Variants in ZNF804A observed in about 807,000 individuals in gnomAD.
ZNF804A encodes zinc finger protein 804A.
In ZNF804A, 2 loss-of-function variants were observed where a neutral mutation model predicts 16.5. The ratio of observed to expected loss-of-function variants is 0.12; its 90% CI spans 0.05 to 0.38. ZNF804A has a LOEUF of 0.38. ZNF804A is among the 10% of genes least tolerant of loss of function. The probability of loss-of-function intolerance (pLI) is 0.99; values close to 1 mark genes in which losing one functional copy is unlikely to be tolerated. For synonymous variants in ZNF804A, 534 were observed against 489.6 expected (o/e 1.09, Z -1.20); for missense variants, 1,473 against 1,390.7 (o/e 1.06, Z -0.94).
At chr2:184,816,425 C>T (rs758167358) in intron 1 of ZNF804A, among the ~76,000 whole-genome samples, 2 of 151,988 alleles carry the variant, frequency 1.3e-5, no homozygotes, top group African/African-American at 2.4e-5. Context: ...TAGAGAATTT[C>T]AAGATTTAAA....
At chr2:184,917,861 A>G (rs1243223800) in intron 2 of ZNF804A, among the ~76,000 whole-genome samples, 1 of 152,010 alleles carries the variant, frequency 6.6e-6, no homozygotes, top group Non-Finnish European at 1.5e-5. Context: ...TCTCATGTCA[A>G]TTGAAGTCCT....
chr2:184,804,441 C>A (rs997443155), intron 1 of ZNF804A, among the ~76,000 whole-genome samples: 3 of 152,208 alleles, frequency 2.0e-5, no homozygotes, highest in Non-Finnish European at 4.4e-5. Flanking sequence ...CTGGTCTCTG[C>A]ATAAGCAGCA....
chr2:184,825,691 A>G (rs914596834), intron 1 of ZNF804A, among the ~76,000 whole-genome samples: 4 of 152,090 alleles, frequency 2.6e-5, no homozygotes, highest in Admixed American at 6.6e-5. Flanking sequence ...GGAATGTTCA[A>G]ACATACAAAG....
intron 1 of ZNF804A, among the ~76,000 whole-genome samples, chr2:184,747,740 T>C (rs1360792331): frequency 6.6e-6 from 1 of 151,224 alleles, no homozygotes; most frequent in Non-Finnish European, 1.5e-5. Context: ...GATGGTTACA[T>C]GAGTATATTG....
intron 1 of ZNF804A, among the ~76,000 whole-genome samples, chr2:184,697,667 CCTT>C (rs1344206390): frequency 6.6e-6 from 1 of 151,918 alleles, no homozygotes; most frequent in Non-Finnish European, 1.5e-5. Flanking sequence ...GTTTAGTTGT[CCTT>C]CTAACATTAA....
intron 1 of ZNF804A, among the ~76,000 whole-genome samples, chr2:184,746,222 T>C (rs992975581): frequency 4.6e-5 from 7 of 151,684 alleles, no homozygotes; most frequent in African/African-American, 1.7e-4. Flanking sequence ...TACTTTGAAA[T>C]ACACAATAAG....
intron 1 of ZNF804A, among the ~76,000 whole-genome samples, chr2:184,836,694 TA>T (rs1250266335): frequency 7.4e-5 from 11 of 148,430 alleles, no homozygotes; most frequent in East Asian, 5.9e-4. Flanking sequence ...TATATATATA[TA>T]TATTTTTTTT....
chr2:184,692,653 C>T (rs1468050753), intron 1 of ZNF804A, among the ~76,000 whole-genome samples: 1 of 152,096 alleles, frequency 6.6e-6, no homozygotes, highest in Non-Finnish European at 1.5e-5. Flanking sequence ...AATGCTGACA[C>T]CAGAAATCTG....
chr2:184,844,413 T>A (rs1454538527), intron 1 of ZNF804A, among the ~76,000 whole-genome samples: 4 of 152,122 alleles, frequency 2.6e-5, no homozygotes, highest in Non-Finnish European at 4.4e-5. Context: ...TTGTTGGTGA[T>A]GAATTTGGCA....
At chr2:184,782,584 C>T (rs1261454058) in intron 1 of ZNF804A, among the ~76,000 whole-genome samples, 1 of 151,012 alleles carries the variant, frequency 6.6e-6, no homozygotes, top group East Asian at 2.0e-4. Flanking sequence ...AACTGGTTTC[C>T]CTTGCTCTTC....
chr2:184,673,394 G>T (rs559818007), intron 1 of ZNF804A, among the ~76,000 whole-genome samples: 1 of 152,232 alleles, frequency 6.6e-6, no homozygotes, highest in East Asian at 1.9e-4. Flanking sequence ...TGCAATTCAA[G>T]TTACACATTT....
intron 1 of ZNF804A, among the ~76,000 whole-genome samples, chr2:184,660,590 T>C (rs1692157104): frequency 1.3e-5 from 2 of 152,236 alleles, no homozygotes; most frequent in African/African-American, 4.8e-5. Flanking sequence ...ATTAAAAAAA[T>C]CATTTATTAA....
chr2:184,636,861 A>G (rs1329150675), intron 1 of ZNF804A, among the ~76,000 whole-genome samples: 1 of 152,102 alleles, frequency 6.6e-6, no homozygotes, highest in East Asian at 1.9e-4. Flanking sequence ...ATATTATCTT[A>G]GTCTTTTTAC....
intron 1 of ZNF804A, among the ~76,000 whole-genome samples, chr2:184,613,037 ATGT>A (rs921200703): frequency 2.0e-4 from 30 of 152,238 alleles, no homozygotes; most frequent in African/African-American, 7.2e-4. Flanking sequence ...CTCACATATG[ATGT>A]TGTATGAACA....
chr2:184,634,777 T>C (rs1223542357), intron 1 of ZNF804A, among the ~76,000 whole-genome samples: 1 of 152,212 alleles, frequency 6.6e-6, no homozygotes, highest in African/African-American at 2.4e-5. Flanking sequence ...AGAACTGTGA[T>C]GTAATCCATT....
chr2:184,625,422 A>G (rs1691479929), intron 1 of ZNF804A, among the ~76,000 whole-genome samples: 1 of 152,122 alleles, frequency 6.6e-6, no homozygotes, highest in Non-Finnish European at 1.5e-5. Flanking sequence ...GTCTAGATAG[A>G]TAAAGAGTAG....
intron 1 of ZNF804A, among the ~76,000 whole-genome samples, chr2:184,689,961 T>C (rs1227397270): frequency 1.1e-4 from 16 of 151,992 alleles, no homozygotes; most frequent in Admixed American, 1.0e-3. Flanking sequence ...TATATGGAAG[T>C]AAAATACCTT....
chr2:184,879,141 G>A (rs1421612833), intron 2 of ZNF804A, among the ~76,000 whole-genome samples: 1 of 149,266 alleles, frequency 6.7e-6, no homozygotes, highest in Non-Finnish European at 1.5e-5. Context: ...TGTGTGTGTT[G>A]TGTGTGTGAG....
chr2:184,682,656 CTG>C (rs1382779335), intron 1 of ZNF804A, among the ~76,000 whole-genome samples: 5 of 152,154 alleles, frequency 3.3e-5, no homozygotes, highest in African/African-American at 1.2e-4. Context: ...TTATTTAACT[CTG>C]TCATTCGATA....
Sources: allele counts gnomAD v4.1 joint callset (sites outside exome capture counted in the v4.1 genomes callset), GRCh38; gene constraint gnomAD v4.1.1; transcripts MANE v1.5; gene names NCBI Gene and HGNC (gene_info 2026-07-23, HGNC 2026-07-21).